Variants in SYTL2 observed in about 807,000 individuals in gnomAD.
SYTL2 encodes synaptotagmin like 2, also known as synaptotagmin-like protein 2.
Under a neutral mutation model 198.7 loss-of-function variants are expected in SYTL2, and 165 were observed. That is an observed-to-expected ratio of 0.83 (90% CI 0.73 to 0.94). SYTL2 has a LOEUF of 0.94. Among genes scored for constraint, SYTL2 ranks in the 40% least tolerant of loss-of-function variants. SYTL2 has a pLI of 0.00. For missense variants in SYTL2, 2,835 were observed against 2,582.8 expected (o/e 1.10, Z -2.12); for synonymous variants, 966 against 917.7 (o/e 1.05, Z -0.95).
the SYTL2 span, chr11:85,853,240 G>T: frequency 4.7e-6 from 2 of 427,654 alleles, no homozygotes; most frequent in Admixed American, 2.6e-5. Flanking sequence ...GTGGGGAAAA[G>T]ATAGAGAAAT....
At chr11:85,770,065 T>G (rs1457246961) in intron 1 of SYTL2, among the ~76,000 whole-genome samples, 1 of 152,166 alleles carries the variant, frequency 6.6e-6, no homozygotes, top group East Asian at 1.9e-4. Context: ...CCAGATTCAT[T>G]AGCTCAGAAC....
chr11:85,845,558 T>A, the SYTL2 span, among the ~76,000 whole-genome samples: 9 of 149,810 alleles, frequency 6.0e-5, no homozygotes, highest in Admixed American at 1.3e-4. Flanking sequence ...AGCCTAGGAG[T>A]TCAAGGTGAG....
chr11:85,728,151 G>A (rs533011207), intron 7 of SYTL2, 184 bp from the exon 8 acceptor site: 11 of 556,808 alleles, frequency 2.0e-5, no homozygotes, highest in South Asian at 1.6e-4. Flanking sequence ...TACCAAAGGT[G>A]CCCTATGACA....
At chr11:85,714,349 A>G in intron 12 of SYTL2, 64 bp downstream of exon 12, 11 of 1,334,774 alleles carry the variant, frequency 8.2e-6, no homozygotes, top group African/African-American at 1.4e-5. Context: ...AAACACACCA[A>G]CCTTGGCATA....
chr11:85,774,219 C>A (rs1396947270), intron 1 of SYTL2, among the ~76,000 whole-genome samples: 1 of 152,188 alleles, frequency 6.6e-6, no homozygotes, highest in African/African-American at 2.4e-5. Flanking sequence ...AAGGAACTGA[C>A]ATTTAATCTT....
chr11:85,799,270 T>C (rs893396953), intron 1 of SYTL2, among the ~76,000 whole-genome samples: 3 of 152,218 alleles, frequency 2.0e-5, no homozygotes, highest in Admixed American at 6.5e-5. Context: ...TAAGAACTTT[T>C]GGAACAAAAG....
rs370878153 is a variant in SYTL2, at chr11:85,801,975, C to T, written c.-390+8979G>A. Among the ~76,000 whole-genome samples, 5 of 151,714 alleles carry T rather than the reference C, an allele frequency of 3.3e-5. No homozygotes were observed. The South Asian group carries it at 6.2e-4, about 19-fold the overall frequency. ...GATTACAGGCACCCACCACCATGCC[C>T]GGCTAAGTTTTTGTATTTTTAGTAG... On this transcript the variant is annotated intron_variant, in intron 1 of 19. Coordinates refer to ENST00000359152, the MANE Select transcript of SYTL2 (RefSeq NM_206927.4).
chr11:85,706,235 G>A (rs2085120663), intron 15 of SYTL2, among the ~76,000 whole-genome samples: 1 of 152,156 alleles, frequency 6.6e-6, no homozygotes, highest in Admixed American at 6.5e-5. Context: ...CCACTGCTAA[G>A]GTAGGTAGGT....
chr11:85,836,662 T>G, the SYTL2 span, among the ~76,000 whole-genome samples: 1 of 152,038 alleles, frequency 6.6e-6, no homozygotes. Flanking sequence ...AAGAGATATG[T>G]TGAGAAGTAA....
chr11:85,846,126 G>T, the SYTL2 span, among the ~76,000 whole-genome samples: 3 of 152,038 alleles, frequency 2.0e-5, no homozygotes, highest in African/African-American at 4.8e-5. Flanking sequence ...TATAAGGTGG[G>T]GTCAGCTAGA....
chr11:85,791,304 G>GA (rs2153627404), intron 1 of SYTL2, among the ~76,000 whole-genome samples: 1 of 146,582 alleles, frequency 6.8e-6, no homozygotes, highest in East Asian at 2.1e-4. Flanking sequence ...ATTCCACAAA[G>GA]AAAGAGCCCT....
intron 1 of SYTL2, among the ~76,000 whole-genome samples, chr11:85,802,933 T>C (rs1394753795): frequency 6.6e-6 from 1 of 152,188 alleles, no homozygotes; most frequent in East Asian, 1.9e-4. Context: ...AAAGCCAAGT[T>C]TATTTCCACT....
At chr11:85,738,527 A>G (rs1053620884) in intron 4 of SYTL2, among the ~76,000 whole-genome samples, 3 of 152,216 alleles carry the variant, frequency 2.0e-5, no homozygotes, top group African/African-American at 7.2e-5. Context: ...GGAGTCCTCC[A>G]TTCCTGTAAT....
chr11:85,749,089 T>C (rs893536557), intron 2 of SYTL2, among the ~76,000 whole-genome samples: 1 of 152,208 alleles, frequency 6.6e-6, no homozygotes, highest in Non-Finnish European at 1.5e-5. Flanking sequence ...GTTCCATTTG[T>C]GCAGATCCTG....
At chr11:85,716,383 GTTC>G (rs952098731) in intron 11 of SYTL2, 18 of 152,256 alleles carry the variant, frequency 1.2e-4, no homozygotes, top group African/African-American at 4.3e-4. Flanking sequence ...TTCCTAGGCA[GTTC>G]TTAAGAATTT....
At chr11:85,715,759 T>C (rs1203345410) in intron 11 of SYTL2, among the ~76,000 whole-genome samples, 1 of 152,152 alleles carries the variant, frequency 6.6e-6, no homozygotes, top group East Asian at 1.9e-4. Context: ...GTGTGTGTAT[T>C]AGGGAGAGTT....
In SYTL2 at chr11:85,781,684, A is replaced by C. The variant is rs574363252; in HGVS notation, c.-389-23570T>G. On this transcript the variant is annotated intron_variant, in intron 1 of 19. Coordinates refer to ENST00000359152, the MANE Select transcript of SYTL2 (RefSeq NM_206927.4). ...AAATACACCCATTCTAAATGGGAAAAGTTGGCAGAAATGAAGGGGCAACAG... is the reference window on the plus strand; with the variant it reads ...AAATACACCCATTCTAAATGGGAAACGTTGGCAGAAATGAAGGGGCAACAG... 1.1e-3 allele frequency among the ~76,000 whole-genome samples: 161 copies of C among 152,338 alleles called. 4 individuals are homozygous for C. In the South Asian group the frequency reaches 0.032, roughly 30 times the overall value.
the SYTL2 span, chr11:85,852,828 G>T: frequency 4.4e-6 from 1 of 224,724 alleles, no homozygotes; most frequent in Non-Finnish European, 9.0e-6. Context: ...TTTCTGCCTG[G>T]CCGCCCATCG....
chr11:85,706,010 AT>A (rs963690126), intron 15 of SYTL2, among the ~76,000 whole-genome samples: 3 of 152,292 alleles, frequency 2.0e-5, no homozygotes, highest in African/African-American at 7.2e-5. Context: ...AACAACACTT[AT>A]TTTTAGTTTT....
Sources: gnomAD v4.1 joint callset for allele counts (sites outside exome capture counted in the v4.1 genomes callset) on GRCh38, gnomAD v4.1.1 for gene constraint, MANE v1.5 for transcripts, NCBI Gene and HGNC (gene_info 2026-07-23, HGNC 2026-07-21) for gene names.